The following ASF1A variants were observed in gnomAD, a reference collection of about 807,000 sequenced individuals.
The protein encoded by ASF1A is anti-silencing function 1A histone chaperone.
ASF1A carries 5 observed loss-of-function variants against 22.0 expected under a neutral mutation model. That is an observed-to-expected ratio of 0.23 (90% confidence interval 0.12 to 0.48). The LOEUF (loss-of-function observed/expected upper bound fraction) is 0.48, where lower values mean the gene tolerates loss of function less well. ASF1A is among the 20% of genes least tolerant of loss of function. The pLI, the probability that ASF1A is intolerant of heterozygous loss-of-function variation, is 0.99. For synonymous variants in ASF1A, 97 were observed against 86.7 expected (o/e 1.12, Z -0.66); for missense variants, 137 against 240.6 (o/e 0.57, Z 2.85).
At position 118,894,224 on chromosome 6, in the gene ASF1A, T is replaced by A. The variant is rs1018739356; in HGVS notation, c.-190T>A. 7.1e-7 allele frequency: 1 copy of A among 1,414,576 alleles called. No homozygotes were observed. Among genetic ancestry groups the A allele is most frequent in the Non-Finnish European group, 9.2e-7 (1 of 1,088,292 alleles). 87.6% of individuals were successfully genotyped at this position (1,414,576 alleles called of 1,614,324 possible). ...CAGAATGGGCTGTAGTTTAGTGAAA[T>A]AGGAAAGCTGCAAAACACTGTGGAG... On this transcript the variant is annotated 5_prime_UTR_variant, in exon 1 of 4. It removes the in-frame stop codon of an upstream open reading frame in the 5' UTR. Coordinates refer to ENST00000229595, the MANE Select transcript of ASF1A (RefSeq NM_014034.3).
At chr6:118,900,968 C>T in intron 2 of ASF1A, 87 bp downstream of exon 2, 1 of 969,554 alleles carries the variant, frequency 1.0e-6, no homozygotes, top group African/African-American at 1.6e-5. Context: ...TATCCCTTTC[C>T]TTTTGGGTTA....
intron 2 of ASF1A, among the ~76,000 whole-genome samples, chr6:118,904,901 G>A (rs557364918): frequency 2.6e-4 from 40 of 152,302 alleles, no homozygotes; most frequent in South Asian, 8.3e-4. Context: ...GCAGTAGTGC[G>A]ATCTCAGCTC....
At chr6:118,894,955 C>T (rs945464300) in intron 1 of ASF1A, among the ~76,000 whole-genome samples, 4 of 152,182 alleles carry the variant, frequency 2.6e-5, no homozygotes, top group African/African-American at 9.7e-5. Flanking sequence ...GCGGAGCCAT[C>T]TTACCCCGAG....
intron 1 of ASF1A, 83 bp downstream of exon 1, chr6:118,894,605 C>T: frequency 8.6e-7 from 1 of 1,169,162 alleles, no homozygotes; most frequent in South Asian, 1.3e-5. Flanking sequence ...TCGCGCTGGG[C>T]GGCTGTGTTC....
At position 118,905,845 on chromosome 6, in the gene ASF1A, T is replaced by A; in HGVS notation, c.402+17T>A. On this transcript the variant is annotated intron_variant, in intron 3 of 3. Coordinates refer to ENST00000229595, the MANE Select transcript of ASF1A (RefSeq NM_014034.3). ...TTTTCTAAGGTAATGTTCTTACTAT[T>A]CCTTTTTAACTACTTTTACTATGCA... is the stretch of plus-strand genomic sequence containing the variant. 1 of 1,547,232 alleles carries A rather than the reference T, an allele frequency of 6.5e-7. No individual in the cohort carries two copies. Among genetic ancestry groups the A allele is most frequent in the Admixed American group, 1.9e-5 (1 of 52,796 alleles).
chr6:118,903,161 T>G (rs1361540782), intron 2 of ASF1A, among the ~76,000 whole-genome samples: 2 of 152,184 alleles, frequency 1.3e-5, no homozygotes, highest in Non-Finnish European at 2.9e-5. Flanking sequence ...GGAACCAATT[T>G]ACTGAAGGGA....
chr6:118,904,227 A>G (rs1780007445), intron 2 of ASF1A, among the ~76,000 whole-genome samples: 1 of 152,184 alleles, frequency 6.6e-6, no homozygotes, highest in Non-Finnish European at 1.5e-5. Flanking sequence ...AAATGAAAAA[A>G]ATGTTGAGAC....
chr6:118,901,091 G>A (rs528691523), intron 2 of ASF1A: 40 of 474,786 alleles, frequency 8.4e-5, no homozygotes, highest in African/African-American at 7.8e-4. Flanking sequence ...AGATGTTAAT[G>A]TGACGTTTAC....
At position 118,907,241 on chromosome 6, in the gene ASF1A, CT is replaced by C. The variant is rs1638801310; in HGVS notation, c.403-159del. Among the ~76,000 whole-genome samples the C allele has an allele frequency of 3.9e-5, 6 of 152,256 alleles. No individual in the cohort carries two copies. In the South Asian group the frequency reaches 1.2e-3, roughly 32 times the overall value. ...TTTGCTACAGCCCTAGTCGTTACATCTTATTAGTTATATTTAAGGTACTTAA... is the reference window on the plus strand; with the variant it reads ...TTTGCTACAGCCCTAGTCGTTACATCTATTAGTTATATTTAAGGTACTTAA... On this transcript the variant is annotated intron_variant, in intron 3 of 3. Transcript: ENST00000229595.
chr6:118,902,804 A>G (rs1006048676), intron 2 of ASF1A, among the ~76,000 whole-genome samples: 4 of 152,230 alleles, frequency 2.6e-5, no homozygotes, highest in Non-Finnish European at 5.9e-5. Context: ...TTATCAACAG[A>G]AAGAGACTAA....
At chr6:118,897,826 T>TA (rs748981039) in intron 1 of ASF1A, among the ~76,000 whole-genome samples, 2,918 of 145,380 alleles carry the variant, frequency 0.02, 38 homozygotes, top group Middle Eastern at 0.055. Context: ...AAAGCTGGGT[T>TA]AAAAAAAAAA....
chr6:118,904,964 A>C (rs1780073832), intron 2 of ASF1A, among the ~76,000 whole-genome samples: 1 of 152,180 alleles, frequency 6.6e-6, no homozygotes, highest in Non-Finnish European at 1.5e-5. Context: ...CAGCCTCCCA[A>C]GTAGCTGGGA....
At chr6:118,895,027 C>T (rs752352584) in intron 1 of ASF1A, among the ~76,000 whole-genome samples, 18 of 152,178 alleles carry the variant, frequency 1.2e-4, no homozygotes, top group Non-Finnish European at 1.2e-4. Context: ...GCCCGCCTGC[C>T]CCCGGCGAAA....
At chr6:118,894,582 C>T in intron 1 of ASF1A, 60 bp downstream of exon 1, 1 of 1,398,418 alleles carries the variant, frequency 7.2e-7, no homozygotes, top group Non-Finnish European at 9.8e-7. Flanking sequence ...TTGAAAGTTT[C>T]CCGGGCCGGG....
chr6:118,902,658 C>CA (rs572978201), intron 2 of ASF1A, among the ~76,000 whole-genome samples: 17 of 150,100 alleles, frequency 1.1e-4, no homozygotes, highest in African/African-American at 1.7e-4. Context: ...AGTGCTGTAG[C>CA]AAAAAAAATG....
At chr6:118,898,183 G>A (rs1468960353) in intron 1 of ASF1A, among the ~76,000 whole-genome samples, 2 of 151,880 alleles carry the variant, frequency 1.3e-5, no homozygotes, top group African/African-American at 4.8e-5. Flanking sequence ...AGAGTCTCAA[G>A]TTATTTGCAT....
At position 118,905,793 on chromosome 6, in the gene ASF1A, A is replaced by G; in HGVS notation, c.367A>G (p.Arg123Gly). Residue 123 changes from arginine to glycine, a missense_variant, in exon 3 of 4, where the codon AGG (arginine) becomes GGG (glycine). Arg to Gly is a moderately radical substitution (Grantham distance 125). Coordinates refer to ENST00000229595, the MANE Select transcript of ASF1A (RefSeq NM_014034.3). ...VNNEYTETEL[R>G]ENPPVKPDFS... ...TAATGAATATACTGAGACAGAATTAAGGGAAAATCCACCAGTAAAACCAGA... is the reference window on the plus strand; with the variant it reads ...TAATGAATATACTGAGACAGAATTAGGGGAAAATCCACCAGTAAAACCAGA... 6.2e-7 allele frequency: 1 copy of G among 1,610,200 alleles called. No individual in the cohort carries two copies. The highest frequency in any genetic ancestry group is 8.5e-7 in the Non-Finnish European group (1 of 1,177,594).
At chr6:118,896,318 C>G (rs1350157360) in intron 1 of ASF1A, among the ~76,000 whole-genome samples, 2 of 151,992 alleles carry the variant, frequency 1.3e-5, no homozygotes, top group African/African-American at 2.4e-5. Flanking sequence ...AACCATTGAT[C>G]GGTCCATTCC....
At chr6:118,894,896 A>C (rs1024652611) in intron 1 of ASF1A, among the ~76,000 whole-genome samples, 6 of 151,892 alleles carry the variant, frequency 4.0e-5, no homozygotes, top group African/African-American at 1.5e-4. Flanking sequence ...CCGAGCACGG[A>C]GGCTGGGAAG....
Sources: gnomAD v4.1 joint callset for allele counts (sites outside exome capture counted in the v4.1 genomes callset) on GRCh38, gnomAD v4.1.1 for gene constraint, MANE v1.5 for transcripts, NCBI Gene and HGNC (gene_info 2026-07-23, HGNC 2026-07-21) for gene names.